RPS6KA2: variants seen among roughly 807,000 people sequenced by gnomAD.
The protein encoded by RPS6KA2 is ribosomal protein S6 kinase alpha-2.
Under a neutral mutation model 91.8 loss-of-function variants are expected in RPS6KA2, and 42 were observed. That is an observed-to-expected ratio of 0.46 (90% CI 0.36 to 0.59). The LOEUF (loss-of-function observed/expected upper bound fraction) is 0.59. Ranked by LOEUF, RPS6KA2 falls within the 20% of genes least tolerant of loss-of-function variation. The pLI, the probability that RPS6KA2 is intolerant of heterozygous loss-of-function variation, is 0.00. For missense variants in RPS6KA2, 798 were observed against 978.5 expected (o/e 0.82, Z 2.46); for synonymous variants, 414 against 393.6 (o/e 1.05, Z -0.61).
At chr6:166,497,743 G>A (rs1443356031) in intron 8 of RPS6KA2, among the ~76,000 whole-genome samples, 3 of 152,234 alleles carry the variant, frequency 2.0e-5, no homozygotes, top group Non-Finnish European at 4.4e-5. Context: ...AAGGGAACTG[G>A]GTTTGGCAGG....
intron 19 of RPS6KA2, among the ~76,000 whole-genome samples, chr6:166,415,095 A>G (rs979572593): frequency 6.6e-6 from 1 of 152,244 alleles, no homozygotes; most frequent in Non-Finnish European, 1.5e-5. Context: ...AAGAATGCAT[A>G]TAGAATGTGA....
intron 2 of RPS6KA2, among the ~76,000 whole-genome samples, chr6:166,790,062 C>A (rs1779042516): frequency 6.6e-6 from 1 of 152,126 alleles, no homozygotes; most frequent in African/African-American, 2.4e-5. Context: ...TCAAACTACT[C>A]TGAGCTACAG....
chr6:166,493,532 C>T lies in RPS6KA2; in HGVS notation c.748-2791G>A, dbSNP rs369980752. Among the ~76,000 whole-genome samples, 31 of 152,172 alleles carry T rather than the reference C, an allele frequency of 2.0e-4. No individual in the cohort carries two copies. The highest frequency in any genetic ancestry group is 7.0e-4 in the African/African-American group (29 of 41,514). On this transcript the variant is annotated intron_variant, in intron 8 of 20. Coordinates refer to ENST00000265678, the MANE Select transcript of RPS6KA2 (RefSeq NM_021135.6). This position sits in a 1 kb window ranked among gnomAD's most constrained non-coding sequence, Gnocchi z 4.7. ...AAGCCGAGGTTCATCTTGGGGTTCC[C>T]ACAGTCAAGTACACGCACCGGGGGA...
At chr6:166,684,015 C>G (rs1167365270) in intron 2 of RPS6KA2, among the ~76,000 whole-genome samples, 1 of 152,176 alleles carries the variant, frequency 6.6e-6, no homozygotes, top group Admixed American at 6.5e-5. Flanking sequence ...CAGACACGCT[C>G]TTGTAGGAAC....
chr6:166,610,675 A>T (rs1786138998), intron 1 of RPS6KA2, among the ~76,000 whole-genome samples: 1 of 152,244 alleles, frequency 6.6e-6, no homozygotes, highest in Admixed American at 6.5e-5. Context: ...CACTGCAGTT[A>T]AAAGGCAGCG....
At chr6:166,565,532 CCCA>C (rs376231689) in intron 1 of RPS6KA2, among the ~76,000 whole-genome samples, 21 of 152,348 alleles carry the variant, frequency 1.4e-4, no homozygotes, top group African/African-American at 5.0e-4. Flanking sequence ...AACAGCTGTC[CCCA>C]CAAGAACCAT....
chr6:166,508,937 C>G lies in RPS6KA2; in HGVS notation c.380-655G>C, dbSNP rs1357494500. 3.9e-5 allele frequency among the ~76,000 whole-genome samples: 6 copies of G among 152,150 alleles called. No individual in the cohort carries two copies. The highest frequency in any genetic ancestry group is 3.9e-4 in the Admixed American group (6 of 15,276). On this transcript the variant is annotated intron_variant, in intron 4 of 20. Coordinates refer to ENST00000265678, the MANE Select transcript of RPS6KA2 (RefSeq NM_021135.6). This position sits in a 1 kb window ranked among gnomAD's most constrained non-coding sequence, Gnocchi z 4.3. ...CCTCTGTTGAGCGGGCGCATGAGCACGGGAGGGTCTAGAGAAGCCCGTCAC... is the reference window on the plus strand; with the variant it reads ...CCTCTGTTGAGCGGGCGCATGAGCAGGGGAGGGTCTAGAGAAGCCCGTCAC...
chr6:166,795,235 T>C (rs1287346902), intron 2 of RPS6KA2, among the ~76,000 whole-genome samples: 1 of 152,342 alleles, frequency 6.6e-6, no homozygotes, highest in East Asian at 1.9e-4. Context: ...CCATTTGTGA[T>C]ATATGGAGGC....
rs35760875 is a variant in RPS6KA2 at position 166,767,374 on chromosome 6, G to A, written c.123+90826C>T. On this transcript the variant is annotated intron_variant, in intron 2 of 21. Transcript: ENST00000503859. The surrounding 1 kb of genome is among the most constrained non-coding windows in gnomAD (Gnocchi z 4.6). ...TCCTCTAACCAAGACCACAAAGGCC[G>A]CGCGGATCAATGTGCTCCAGATCAA... Among the ~76,000 whole-genome samples the A allele has an allele frequency of 4.6e-5, 7 of 152,178 alleles. No homozygotes were observed. Among genetic ancestry groups the A allele is most frequent in the Admixed American group, 3.3e-4 (5 of 15,280 alleles).
chr6:166,823,400 A>G (rs1779952012), intron 2 of RPS6KA2, among the ~76,000 whole-genome samples: 1 of 151,174 alleles, frequency 6.6e-6, no homozygotes, highest in African/African-American at 2.4e-5. Context: ...CTAAAAAATT[A>G]TTATTAAATT....
At chr6:166,528,568 T>C (rs1354712570) in intron 3 of RPS6KA2, among the ~76,000 whole-genome samples, 1 of 150,002 alleles carries the variant, frequency 6.7e-6, no homozygotes, top group Non-Finnish European at 1.5e-5. Flanking sequence ...AATTAACAAA[T>C]GGGATCTAAT....
intron 2 of RPS6KA2, among the ~76,000 whole-genome samples, chr6:166,836,516 A>G (rs1321117373): frequency 2.6e-5 from 4 of 151,916 alleles, no homozygotes; most frequent in African/African-American, 9.7e-5. Flanking sequence ...TGCCCAATGT[A>G]TTAATCAGCT....
intron 2 of RPS6KA2, among the ~76,000 whole-genome samples, chr6:166,709,736 C>T (rs1022528133): frequency 6.6e-6 from 1 of 152,216 alleles, no homozygotes; most frequent in Non-Finnish European, 1.5e-5. Context: ...CTGGCCCAGA[C>T]ATCCCCTGGA....
intron 2 of RPS6KA2, among the ~76,000 whole-genome samples, chr6:166,796,420 C>A (rs898638255): frequency 2.0e-5 from 3 of 152,132 alleles, no homozygotes; most frequent in Non-Finnish European, 4.4e-5. Context: ...AAAACCCTGT[C>A]TCTATTAAAA....
rs151297367 is a variant in RPS6KA2 at position 166,709,953 on chromosome 6, G to A, written c.123+148247C>T. On this transcript the variant is annotated intron_variant, in intron 2 of 21. Coordinates refer to the RPS6KA2 transcript ENST00000503859. Reference sequence around the variant, plus strand: ...TGGAAGCACATCTTTAAAACTGTAAGAGGGTTTCAGTTTTCATGTACGCCA... The same window carrying A: ...TGGAAGCACATCTTTAAAACTGTAAAAGGGTTTCAGTTTTCATGTACGCCA... Among the ~76,000 whole-genome samples the A allele has an allele frequency of 4.6e-5, 7 of 152,306 alleles. No homozygotes were observed. In the East Asian group the frequency reaches 1.4e-3, roughly 29 times the overall value.
intron 2 of RPS6KA2, among the ~76,000 whole-genome samples, chr6:166,654,408 C>T (rs546139814): frequency 1.1e-4 from 17 of 151,312 alleles, no homozygotes; most frequent in African/African-American, 2.9e-4. Flanking sequence ...GAATTCTAGA[C>T]GGGCCCCACT....
In RPS6KA2 at chr6:166,493,760, C is replaced by T. The variant is rs941735475; in HGVS notation, c.748-3019G>A. ...AGGGGACATTTCCGGCTGTCATGCC[C>T]GGGAGCCCTGGTGCTACAGGCGTCC... On this transcript the variant is annotated intron_variant, in intron 8 of 20. Coordinates refer to ENST00000265678, the MANE Select transcript of RPS6KA2 (RefSeq NM_021135.6). This position sits in a 1 kb window ranked among gnomAD's most constrained non-coding sequence, Gnocchi z 4.7. Among the ~76,000 whole-genome samples the T allele has an allele frequency of 1.3e-5, 2 of 152,180 alleles. No individual in the cohort carries two copies. The highest frequency in any genetic ancestry group is 2.4e-5 in the African/African-American group (1 of 41,448).
At position 166,412,926 on chromosome 6, in the gene RPS6KA2, C is replaced by G. The variant is rs1259660090; in HGVS notation, c.2077-39G>C. 6.5e-7 allele frequency: 1 copy of G among 1,530,214 alleles called. No homozygotes were observed. The highest frequency in any genetic ancestry group is 2.0e-5 in the Admixed American group (1 of 49,950). 94.8% of individuals were successfully genotyped at this position (1,530,214 alleles called of 1,614,324 possible). On this transcript the variant is annotated intron_variant, in intron 20 of 20. Coordinates refer to ENST00000265678, the MANE Select transcript of RPS6KA2 (RefSeq NM_021135.6). The surrounding 1 kb of genome is among the most constrained non-coding windows in gnomAD (Gnocchi z 4.3). Reference sequence around the variant, plus strand: ...GACAAGGGTGAGAGCCGCGGCGCCTCACTCCAGGGGTTGAGCCGGAGCCCG... The same window carrying G: ...GACAAGGGTGAGAGCCGCGGCGCCTGACTCCAGGGGTTGAGCCGGAGCCCG...
chr6:166,466,806 A>T (rs12200581), intron 11 of RPS6KA2, among the ~76,000 whole-genome samples: 20,549 of 151,750 alleles, frequency 0.14, 1,836 homozygotes, highest in Non-Finnish European at 0.21. Context: ...TCGTTCACTC[A>T]CTCCCTCATT....
Sources: allele counts gnomAD v4.1 joint callset (sites outside exome capture counted in the v4.1 genomes callset), GRCh38; gene constraint gnomAD v4.1.1; non-coding constraint Gnocchi (gnomAD v3.1); transcripts MANE v1.5; gene names NCBI Gene and HGNC (gene_info 2026-07-23, HGNC 2026-07-21).